MYO18A: variants seen among roughly 807,000 people sequenced by gnomAD.
The protein encoded by MYO18A is myosin XVIIIA, also known as unconventional myosin-XVIIIa.
In MYO18A, 78 loss-of-function variants were observed where a neutral mutation model predicts 235.8. The ratio of observed to expected loss-of-function variants is 0.33; its 90% CI spans 0.28 to 0.40. MYO18A has a LOEUF of 0.40. Ranked by LOEUF, MYO18A falls within the 10% of genes least tolerant of loss-of-function variation. MYO18A has a pLI of 1.00. For synonymous variants in MYO18A, 977 were observed against 1,077.8 expected (o/e 0.91, Z 1.83); for missense variants, 2,215 against 2,699.3 (o/e 0.82, Z 3.98).
intron 1 of MYO18A, among the ~76,000 whole-genome samples, chr17:29,174,825 G>T (rs1003366239): frequency 1.3e-5 from 2 of 151,888 alleles, no homozygotes; most frequent in African/African-American, 2.4e-5. Flanking sequence ...AAAAAAAAAA[G>T]CTAAATTATA....
rs1469644441 is a variant in MYO18A, at chr17:29,106,772, A to T, written c.3441+308T>A. ...TCCCTGACATGGGGGCCCAGGTGCC[A>T]TCGGTGGGGCTCCCAAAGCACTAAT... On this transcript the variant is annotated intron_variant, in intron 20 of 41. Transcript: ENST00000527372. This position sits in a 1 kb window ranked among gnomAD's most constrained non-coding sequence, Gnocchi z 4.6. 1.3e-5 allele frequency among the ~76,000 whole-genome samples: 2 copies of T among 152,168 alleles called. No homozygotes were observed. The highest frequency in any genetic ancestry group is 2.9e-5 in the Non-Finnish European group (2 of 68,016).
chr17:29,107,491 T>A, intron 19 of MYO18A: 1 of 319,958 alleles, frequency 3.1e-6, no homozygotes, highest in Non-Finnish European at 5.9e-6. Context: ...TGGGGGGTTG[T>A]GGGGTAGCTG....
chr17:29,134,917 C>G (rs2067560978), intron 2 of MYO18A, among the ~76,000 whole-genome samples: 1 of 152,124 alleles, frequency 6.6e-6, no homozygotes, highest in South Asian at 2.1e-4. Flanking sequence ...GCGACTTTGC[C>G]TTCCAGCTGT....
chr17:29,121,975 A>C lies in MYO18A; in HGVS notation c.1088-18T>G. The C allele has an allele frequency of 3.1e-6, 5 of 1,612,122 alleles. No individual in the cohort carries two copies. The highest frequency in any genetic ancestry group is 4.2e-6 in the Non-Finnish European group (5 of 1,178,508). ...TTGACTGGCTGCAGGGGAGGGACAG[A>C]CAGCTGGGATGGGCCTGGGAAGCCT... On this transcript the variant is annotated intron_variant, in intron 3 of 41. Coordinates refer to ENST00000527372, the MANE Select transcript of MYO18A (RefSeq NM_078471.4). This position sits in a 1 kb window ranked among gnomAD's most constrained non-coding sequence, Gnocchi z 4.2.
At chr17:29,098,670 G>C (rs970212229) in intron 23 of MYO18A, among the ~76,000 whole-genome samples, 156 bp downstream of exon 23, 8 of 152,160 alleles carry the variant, frequency 5.3e-5, no homozygotes, top group African/African-American at 1.7e-4. Context: ...CTGTCCAGGG[G>C]CTCAGCCAGC....
intron 2 of MYO18A, among the ~76,000 whole-genome samples, chr17:29,133,293 G>C (rs1388758535): frequency 1.3e-5 from 2 of 152,182 alleles, no homozygotes; most frequent in Non-Finnish European, 2.9e-5. Context: ...TGCCCAGCTG[G>C]GGACTATGCA....
chr17:29,083,789 CA>C (rs34760184), intron 40 of MYO18A, among the ~76,000 whole-genome samples: 1 of 152,108 alleles, frequency 6.6e-6, no homozygotes, highest in African/African-American at 2.4e-5. Context: ...CATGGAACAC[CA>C]ATACCACCTG....
intron 35 of MYO18A, 63 bp downstream of exon 35, chr17:29,090,747 C>T: frequency 6.5e-7 from 1 of 1,549,714 alleles, no homozygotes; most frequent in Non-Finnish European, 8.9e-7. Flanking sequence ...GCGGGGGACC[C>T]ATGAGGAGGA....
chr17:29,102,992 T>C (rs769952034), intron 21 of MYO18A, among the ~76,000 whole-genome samples: 21 of 152,316 alleles, frequency 1.4e-4, no homozygotes, highest in Non-Finnish European at 2.9e-4. Context: ...GAGAGGGGCA[T>C]GCAGGGCTTC....
rs539003942 is a variant in MYO18A at position 29,106,459 on chromosome 17, C to G, written c.3441+621G>C. On this transcript the variant is annotated intron_variant, in intron 20 of 41. Transcript: ENST00000527372. The surrounding 1 kb of genome is among the most constrained non-coding windows in gnomAD (Gnocchi z 4.6). ...CCATTTAGGGAAGCCATCCTAAGGT[C>G]TGAGGTGCTTTCAGAATCAGGCTGG... 3.1e-3 allele frequency among the ~76,000 whole-genome samples: 466 copies of G among 152,306 alleles called. 2 individuals carry two copies. The highest frequency in any genetic ancestry group is 0.011 in the African/African-American group (448 of 41,556).
intron 2 of MYO18A, among the ~76,000 whole-genome samples, chr17:29,124,439 C>G (rs950749342): frequency 6.6e-6 from 1 of 152,224 alleles, no homozygotes; most frequent in African/African-American, 2.4e-5. Flanking sequence ...CTAGATGCTC[C>G]CCAGGGGCCT....
At chr17:29,116,501 T>C (rs779506151) in intron 10 of MYO18A, 46 bp from the exon 11 acceptor site, 1 of 1,613,698 alleles carries the variant, frequency 6.2e-7, no homozygotes, top group Non-Finnish European at 8.5e-7. Flanking sequence ...AAAAACAGTG[T>C]GTTAGCAAAC....
chr17:29,084,631 T>C (rs1488875342), intron 40 of MYO18A, among the ~76,000 whole-genome samples: 1 of 151,924 alleles, frequency 6.6e-6, no homozygotes, highest in Non-Finnish European at 1.5e-5. Context: ...CGGCGGGGGA[T>C]ATTAATTGTG....
At chr17:29,128,575 G>C (rs2152885978) in intron 2 of MYO18A, 1 of 1,204,678 alleles carries the variant, frequency 8.3e-7, no homozygotes, top group East Asian at 6.0e-5. Context: ...GTAGACATTA[G>C]CATCACCCCT....
At chr17:29,156,728 C>A (rs1016039930) in intron 2 of MYO18A, among the ~76,000 whole-genome samples, 1 of 152,228 alleles carries the variant, frequency 6.6e-6, no homozygotes, top group Admixed American at 6.5e-5. Context: ...TAATTACCAT[C>A]TTGTGAATGC....
In MYO18A at chr17:29,166,838, T is replaced by A; in HGVS notation, c.103A>T (p.Ser35Cys). The A allele has an allele frequency of 6.3e-7, 1 of 1,583,470 alleles. No individual in the cohort carries two copies. The highest frequency in any genetic ancestry group is 1.2e-5 in the South Asian group (1 of 86,942). ...KERMSAAELRSLEEMSLRRGF... is the reference protein window; with the variant it reads ...KERMSAAELRCLEEMSLRRGF... The stretch of plus-strand genomic sequence containing the variant: ...CGTCGCAGGCTCATCTCCTCCAGGC[T>A]CCGAAGCTCTGCCGCTGACATCCGC... The change falls in exon 2 of 42, where the codon AGC becomes TGC. Residue 35 changes from serine to cysteine, a missense_variant. Physicochemically the swap from Ser to Cys is moderately radical, Grantham distance 112 (BLOSUM62 -1). Coordinates refer to ENST00000527372, the MANE Select transcript of MYO18A (RefSeq NM_078471.4).
intron 2 of MYO18A, among the ~76,000 whole-genome samples, chr17:29,130,299 CAA>C (rs564370108): frequency 0.021 from 1,199 of 55,802 alleles, 9 homozygotes; most frequent in African/African-American, 0.091. Context: ...AACCCTGTCT[CAA>C]AAAAAAAAAA....
intron 1 of MYO18A, among the ~76,000 whole-genome samples, chr17:29,172,175 C>T (rs992659890): frequency 6.6e-6 from 1 of 152,080 alleles, no homozygotes; most frequent in African/African-American, 2.4e-5. Context: ...AACCTGTGAA[C>T]AAATCTGAGT....
chr17:29,103,793 T>C (rs1292528025), intron 20 of MYO18A, 129 bp from the exon 21 acceptor site: 4 of 808,434 alleles, frequency 4.9e-6, no homozygotes, highest in Non-Finnish European at 8.1e-6. Context: ...TGCGTGGGCT[T>C]CCTCAGTGTC....
Sources: gnomAD v4.1 joint callset for allele counts (sites outside exome capture counted in the v4.1 genomes callset) on GRCh38, gnomAD v4.1.1 for gene constraint, Gnocchi (gnomAD v3.1) non-coding constraint, MANE v1.5 for transcripts, NCBI Gene and HGNC (gene_info 2026-07-23, HGNC 2026-07-21) for gene names.